ITGAE: variants seen among roughly 807,000 people sequenced by gnomAD.
The protein encoded by ITGAE is integrin alpha-E.
A neutral mutation model predicts 136.5 loss-of-function variants in ITGAE; 99 were observed. That is an observed-to-expected ratio of 0.73 (90% CI 0.62 to 0.86). The LOEUF is 0.86. Ranked by LOEUF, ITGAE falls within the 40% of genes least tolerant of loss-of-function variation. The pLI, the probability that ITGAE is intolerant of heterozygous loss-of-function variation, is 0.00. For missense variants in ITGAE, 1,447 were observed against 1,515.3 expected, an observed-to-expected ratio of 0.95 and a Z score of 0.75; for synonymous variants, 613 against 591.8, an observed-to-expected ratio of 1.04 and a Z score of -0.52.
intron 28 of ITGAE, among the ~76,000 whole-genome samples, chr17:3,722,070 T>C (rs1328670195): frequency 3.3e-5 from 5 of 151,938 alleles, no homozygotes; most frequent in Non-Finnish European, 5.9e-5. Context: ...TCCCAGCTAC[T>C]TGGGAGGCTG....
At chr17:3,728,464 C>T (rs199733486) in intron 24 of ITGAE, 2 of 269,692 alleles carry the variant, frequency 7.4e-6, no homozygotes, top group East Asian at 1.5e-4. Flanking sequence ...ACCTCTGCCT[C>T]CTGGGTTTAA....
In ITGAE at chr17:3,740,240, C is replaced by T. The variant is rs149054279; in HGVS notation, c.2449-362G>A. On this transcript the variant is annotated intron_variant, in intron 19 of 30. Coordinates refer to ENST00000263087, the MANE Select transcript of ITGAE (RefSeq NM_002208.5). The stretch of plus-strand genomic sequence containing the variant: ...TGAGCATTCAGGGAGCAGACACCTA[C>T]GCGAAGAGAAGCTTCCTTAGTCCTT... Among the ~76,000 whole-genome samples the T allele has an allele frequency of 6.9e-4, 105 of 152,368 alleles. 1 individual carries two copies. Among genetic ancestry groups the T allele is most frequent in the African/African-American group, 2.4e-3 (101 of 41,602 alleles).
At position 3,801,118 on chromosome 17, in the gene ITGAE, G is replaced by A; in HGVS notation, c.27C>T (p.Cys9=). Residue 9 remains cysteine (C), a synonymous_variant, in exon 1 of 31, where the codon TGC becomes TGT. Transcript: ENST00000263087. MWLFHTLL[C]IASLALLAAF... is the part of the protein sequence containing the mutation. Reference sequence around the variant, plus strand: ...GCGGGTGAGAGGACTTACTGGCTATGCAGAGCAGAGTGTGGAAGAGCCACA... The same window carrying A: ...GCGGGTGAGAGGACTTACTGGCTATACAGAGCAGAGTGTGGAAGAGCCACA... 6.2e-7 allele frequency: 1 copy of A among 1,612,584 alleles called. No individual in the cohort carries two copies.
intron 1 of ITGAE, among the ~76,000 whole-genome samples, chr17:3,778,573 C>A (rs1200978447): frequency 3.3e-5 from 5 of 152,090 alleles, no homozygotes; most frequent in African/African-American, 1.2e-4. Context: ...AAAACAACAA[C>A]AACAAATATC....
intron 20 of ITGAE, among the ~76,000 whole-genome samples, chr17:3,735,599 C>T (rs2051443848): frequency 6.6e-6 from 1 of 152,162 alleles, no homozygotes. Context: ...TGTAAGCCAC[C>T]GCACACAGCC....
chr17:3,763,775 A>G, intron 3 of ITGAE, 94 bp downstream of exon 3: 1 of 973,960 alleles, frequency 1.0e-6, no homozygotes, highest in Non-Finnish European at 1.7e-6. Flanking sequence ...TGGATGAGGC[A>G]GGGCTGGGGT....
At chr17:3,796,936 C>A (rs1422420111) in intron 1 of ITGAE, among the ~76,000 whole-genome samples, 1 of 152,054 alleles carries the variant, frequency 6.6e-6, no homozygotes, top group Non-Finnish European at 1.5e-5. Flanking sequence ...GCCCAGAACA[C>A]CCAGCGGGGC....
At chr17:3,739,971 G>A (rs2051546700) in intron 19 of ITGAE, 93 bp from the exon 20 acceptor site, 2 of 984,890 alleles carry the variant, frequency 2.0e-6, no homozygotes, top group Non-Finnish European at 3.3e-6. Context: ...GTTTTGGGCT[G>A]TGCCTCCTGC....
chr17:3,741,068 G>GTTTTTTTTTTT (rs1447955211), intron 19 of ITGAE, among the ~76,000 whole-genome samples: 15 of 110,508 alleles, frequency 1.4e-4, no homozygotes, highest in African/African-American at 5.0e-4. Flanking sequence ...GTTTTTTGTT[G>GTTTTTTTTTTT]TATTTTTTTT....
intron 1 of ITGAE, among the ~76,000 whole-genome samples, chr17:3,794,017 C>G (rs867451933): frequency 7.5e-6 from 1 of 132,682 alleles, no homozygotes; most frequent in African/African-American, 2.9e-5. Flanking sequence ...TTGCTATTGT[C>G]GCCCAGGCTG....
intron 1 of ITGAE, among the ~76,000 whole-genome samples, chr17:3,780,055 C>A (rs935201727): frequency 6.6e-6 from 1 of 152,076 alleles, no homozygotes; most frequent in Non-Finnish European, 1.5e-5. Context: ...CTCACCGCAA[C>A]CTCTGCCTCC....
At chr17:3,721,143 G>A (rs974025176) in intron 28 of ITGAE, among the ~76,000 whole-genome samples, 1 of 150,602 alleles carries the variant, frequency 6.6e-6, no homozygotes, top group Non-Finnish European at 1.5e-5. Context: ...TGCCCAGGCT[G>A]GTCTCAAACT....
chr17:3,761,309 G>A (rs923841365), intron 5 of ITGAE, 94 bp downstream of exon 5: 42 of 1,544,454 alleles, frequency 2.7e-5, no homozygotes, highest in Middle Eastern at 3.5e-4. Context: ...GTGGGCCTGC[G>A]TCCCACTGCA....
Position 3,751,830 on chromosome 17 carries a change from C to A in ITGAE, c.1713G>T (p.Gly571=), listed in dbSNP as rs1474451779. Residue 571 remains glycine, a synonymous_variant, in exon 15 of 31, where the codon GGG becomes GGT. Transcript: ENST00000263087. ...SLARILSGHP[G]FTNARFGFAM... ...CAAAGCCAAAGCGGGCATTGGTGAACCCGGGGTGCCCACTCAGTATGCGTG... is the reference window on the plus strand; with the variant it reads ...CAAAGCCAAAGCGGGCATTGGTGAAACCGGGGTGCCCACTCAGTATGCGTG... The A allele has an allele frequency of 8.7e-6, 14 of 1,614,120 alleles. No homozygotes were observed. The highest frequency in any genetic ancestry group is 1.2e-5 in the Non-Finnish European group (14 of 1,179,980).
In ITGAE at chr17:3,755,097, T is replaced by TCAGGTGGCCCCGCCCTCAA; in HGVS notation, c.1384+19_1384+20insTTGAGGGCGGGGCCACCTG. ...CCCTCATCAGGTGGCCCCGCCCTCA[T>TCAGGTGGCCCCGCCCTCAA]CAGGTGGCCCCGCCCTCACCCAGGT... On this transcript the variant is annotated intron_variant, in intron 12 of 30. Transcript: ENST00000263087. The TCAGGTGGCCCCGCCCTCAA allele has an allele frequency of 1.6e-5, 23 of 1,475,584 alleles. No homozygotes were observed. The highest frequency in any genetic ancestry group is 2.0e-5 in the Non-Finnish European group (22 of 1,105,926). The allele number at this position is 1,475,584 out of a possible 1,614,324, so 91.4% of individuals were successfully genotyped here. A position where few individuals can be genotyped will look rare whatever the true frequency, so the allele number is the denominator to read the frequency against.
chr17:3,753,210 G>A, intron 14 of ITGAE, 80 bp downstream of exon 14: 5 of 1,486,574 alleles, frequency 3.4e-6, no homozygotes, highest in Non-Finnish European at 2.7e-6. Flanking sequence ...CAGGGCCAGG[G>A]CACTCCCAGC....
At chr17:3,760,579 A>G (rs2052142522) in intron 6 of ITGAE, among the ~76,000 whole-genome samples, 1 of 151,652 alleles carries the variant, frequency 6.6e-6, no homozygotes, top group Non-Finnish European at 1.5e-5. Context: ...AGCTGGGACT[A>G]TAATGCACAC....
chr17:3,741,644 A>G (rs1213833713), intron 19 of ITGAE, among the ~76,000 whole-genome samples: 3 of 152,230 alleles, frequency 2.0e-5, no homozygotes, highest in Non-Finnish European at 4.4e-5. Flanking sequence ...TACAATCGCA[A>G]GGCATCTCAC....
chr17:3,751,630 G>A lies in ITGAE; in HGVS notation c.1893+20C>T. 1 of 1,605,296 alleles carries A rather than the reference G, an allele frequency of 6.2e-7. No individual in the cohort carries two copies. Among genetic ancestry groups the A allele is most frequent in the Non-Finnish European group, 8.5e-7 (1 of 1,172,410 alleles). On this transcript the variant is annotated intron_variant, in intron 15 of 30. Transcript: ENST00000263087. ...GGTCAGAGCCCCAGAGGAGAGGAAG[G>A]AGAGGGCCCCATGGGTCACCTGCGA... is the stretch of plus-strand genomic sequence containing the variant.
Sources: allele counts gnomAD v4.1 joint callset (sites outside exome capture counted in the v4.1 genomes callset), GRCh38; gene constraint gnomAD v4.1.1; transcripts MANE v1.5; gene names NCBI Gene and HGNC (gene_info 2026-07-23, HGNC 2026-07-21).